IPO11: variants seen among roughly 807,000 people sequenced by gnomAD.
The protein encoded by IPO11 is importin 11.
IPO11 carries 66 observed loss-of-function variants against 143.2 expected under a neutral mutation model. That is an observed-to-expected ratio of 0.46 (90% CI 0.38 to 0.57). IPO11 has a LOEUF of 0.57. IPO11 is among the 20% of genes least tolerant of loss of function. The probability of loss-of-function intolerance (pLI) is 0.00; values close to 1 mark genes in which losing one functional copy is unlikely to be tolerated. For missense variants in IPO11, 1,026 were observed against 1,141.0 expected, an observed-to-expected ratio of 0.90 and a Z score of 1.45; for synonymous variants, 385 against 377.8, an observed-to-expected ratio of 1.02 and a Z score of -0.22.
chr5:62,508,755 G>T (rs1256173006), intron 19 of IPO11, among the ~76,000 whole-genome samples: 1 of 151,240 alleles, frequency 6.6e-6, no homozygotes, highest in Admixed American at 6.6e-5. Flanking sequence ...CCCCAGCCCC[G>T]CACCACTCGC....
intron 29 of IPO11, among the ~76,000 whole-genome samples, chr5:62,616,659 G>GC (rs1251362643): frequency 6.8e-6 from 1 of 146,138 alleles, no homozygotes; most frequent in East Asian, 2.0e-4. Flanking sequence ...GGCAGAGGTT[G>GC]CAGTGAGCTG....
intron 22 of IPO11, 34 bp from the exon 23 acceptor site, chr5:62,536,668 T>C: frequency 6.4e-7 from 1 of 1,566,258 alleles, no homozygotes. Context: ...GTGAATTAAT[T>C]TGGTTTTTTG....
chr5:62,585,648 A>G (rs897810422), intron 27 of IPO11, among the ~76,000 whole-genome samples: 2 of 152,208 alleles, frequency 1.3e-5, no homozygotes. Context: ...AGGAAAAGAT[A>G]CTAGATTTTG....
intron 16 of IPO11, among the ~76,000 whole-genome samples, chr5:62,497,991 C>T (rs1290016761): frequency 6.6e-6 from 1 of 151,936 alleles, no homozygotes; most frequent in Non-Finnish European, 1.5e-5. Context: ...TTTCACTGGC[C>T]TACTTGTGTA....
At chr5:62,433,005 C>G (rs1236017611) in intron 1 of IPO11, among the ~76,000 whole-genome samples, 3 of 152,202 alleles carry the variant, frequency 2.0e-5, no homozygotes, top group Non-Finnish European at 4.4e-5. Context: ...TGGGAACATT[C>G]TGTTCCCCAA....
rs574677403 is a variant in IPO11, at chr5:62,516,449, G to A, written c.1896+948G>A. 2.7e-3 allele frequency among the ~76,000 whole-genome samples: 413 copies of A among 152,062 alleles called. 1 individual carries two copies. Among genetic ancestry groups the A allele is most frequent in the African/African-American group, 9.4e-3 (389 of 41,494 alleles). On this transcript the variant is annotated intron_variant, in intron 20 of 29. Coordinates refer to ENST00000325324, the MANE Select transcript of IPO11 (RefSeq NM_016338.5). ...GCTGGGATTACAGGCACACGCCACT[G>A]TGCCTGGCTAATTTTTGTATTTTTA...
intron 22 of IPO11, among the ~76,000 whole-genome samples, chr5:62,532,848 C>T (rs866486798): frequency 1.1e-4 from 16 of 152,100 alleles, no homozygotes; most frequent in African/African-American, 1.9e-4. Context: ...TACCATTGAC[C>T]GGCTCTTCAG....
intron 7 of IPO11, among the ~76,000 whole-genome samples, chr5:62,472,978 T>G (rs1211128537): frequency 6.6e-6 from 1 of 152,204 alleles, no homozygotes; most frequent in Non-Finnish European, 1.5e-5. Flanking sequence ...CTTTGGAGAA[T>G]AGGACTATTG....
At chr5:62,437,759 A>G (rs1044173802) in intron 2 of IPO11, among the ~76,000 whole-genome samples, 2 of 152,162 alleles carry the variant, frequency 1.3e-5, no homozygotes, top group African/African-American at 4.8e-5. Flanking sequence ...ATGTTGTCAT[A>G]GTTGTTCAGG....
At chr5:62,444,189 G>A (rs1744623684) in intron 3 of IPO11, among the ~76,000 whole-genome samples, 1 of 150,866 alleles carries the variant, frequency 6.6e-6, no homozygotes. Flanking sequence ...TCTGCCTCAC[G>A]GGTTCAGGCC....
chr5:62,485,146 T>G (rs558131695), intron 11 of IPO11, among the ~76,000 whole-genome samples: 1 of 152,242 alleles, frequency 6.6e-6, no homozygotes, highest in South Asian at 2.1e-4. Context: ...ACCCTGGAAA[T>G]GACAACTACT....
At chr5:62,480,338 G>C (rs1180515234) in intron 9 of IPO11, among the ~76,000 whole-genome samples, 1 of 152,186 alleles carries the variant, frequency 6.6e-6, no homozygotes, top group Non-Finnish European at 1.5e-5. Context: ...TTTGGTTACT[G>C]TAGCCTTGTA....
intron 5 of IPO11, among the ~76,000 whole-genome samples, chr5:62,454,428 G>A (rs1745052457): frequency 6.6e-6 from 1 of 152,114 alleles, no homozygotes; most frequent in Non-Finnish European, 1.5e-5. Context: ...ACAGTTAACT[G>A]TTATTAAAGG....
intron 24 of IPO11, among the ~76,000 whole-genome samples, chr5:62,545,568 G>A (rs192879939): frequency 0.014 from 2,100 of 152,256 alleles, 18 homozygotes; most frequent in Middle Eastern, 0.041. Flanking sequence ...AACACCAAAA[G>A]TAATGGCAAC....
chr5:62,558,991 G>T (rs1261830615), intron 26 of IPO11, among the ~76,000 whole-genome samples: 1 of 152,032 alleles, frequency 6.6e-6, no homozygotes, highest in African/African-American at 2.4e-5. Flanking sequence ...AGTGCACAAT[G>T]GTATTATGTC....
chr5:62,423,121 G>C (rs985335665), intron 1 of IPO11, among the ~76,000 whole-genome samples: 4 of 152,118 alleles, frequency 2.6e-5, no homozygotes, highest in Non-Finnish European at 5.9e-5. Flanking sequence ...TGAATGGACT[G>C]TTCATACATT....
intron 27 of IPO11, among the ~76,000 whole-genome samples, chr5:62,568,123 A>T (rs1253549120): frequency 6.6e-6 from 1 of 150,818 alleles, no homozygotes; most frequent in Non-Finnish European, 1.5e-5. Flanking sequence ...ATACCACCAC[A>T]CCTGGCTAAT....
At chr5:62,505,013 A>T (rs1159318416) in intron 18 of IPO11, 115 bp downstream of exon 18, 1 of 564,810 alleles carries the variant, frequency 1.8e-6, no homozygotes, top group Non-Finnish European at 2.9e-6. Context: ...TGAATTTAAA[A>T]GTATGCTGTA....
intron 2 of IPO11, among the ~76,000 whole-genome samples, chr5:62,438,946 C>T (rs1185951115): frequency 6.6e-6 from 1 of 151,570 alleles, no homozygotes; most frequent in Admixed American, 6.6e-5. Context: ...GTAGTCCCAG[C>T]TACTTGGGAG....
Sources: gnomAD v4.1 joint callset for allele counts (sites outside exome capture counted in the v4.1 genomes callset) on GRCh38, gnomAD v4.1.1 for gene constraint, MANE v1.5 for transcripts, NCBI Gene and HGNC (gene_info 2026-07-23, HGNC 2026-07-21) for gene names.